Variants in PYGO1 observed in about 807,000 individuals in gnomAD.
PYGO1 encodes pygopus homolog 1.
A neutral mutation model predicts 29.5 loss-of-function variants in PYGO1; 6 were observed. The ratio of observed to expected loss-of-function variants is 0.20; its 90% CI spans 0.11 to 0.40. The LOEUF is 0.40. Ranked by LOEUF, PYGO1 falls within the 10% of genes least tolerant of loss-of-function variation. The pLI, the probability that PYGO1 is intolerant of heterozygous loss-of-function variation, is 1.00. For synonymous variants in PYGO1, 186 were observed against 180.5 expected (o/e 1.03, Z -0.24); for missense variants, 515 against 514.9 (o/e 1.00, Z 0.00).
intron 1 of PYGO1, among the ~76,000 whole-genome samples, chr15:55,561,692 T>C (rs1390812797): frequency 5.9e-5 from 9 of 152,090 alleles, no homozygotes; most frequent in Non-Finnish European, 1.2e-4. Context: ...CCTTACACCT[T>C]GCACAAAAAT....
intron 1 of PYGO1, among the ~76,000 whole-genome samples, chr15:55,558,384 A>G (rs1044731839): frequency 2.6e-5 from 4 of 152,142 alleles, no homozygotes; most frequent in African/African-American, 2.4e-5. Context: ...ATGCTCATGG[A>G]TAGGAAGAAT....
rs571116952 is a variant in PYGO1 at position 55,549,204 on chromosome 15, T to C, written c.50-209A>G. ...TCATCCCTGCTCCCATATTTATTAT[T>C]CTTTCAGTGAAAAAGCAAGTCTCTC... On this transcript the variant is annotated intron_variant, in intron 1 of 2. Coordinates refer to ENST00000563719, the MANE Select transcript of PYGO1 (RefSeq NM_001367806.1). Among the ~76,000 whole-genome samples, 239 of 152,328 alleles carry C rather than the reference T, an allele frequency of 1.6e-3. 1 individual carries two copies. The highest frequency in any genetic ancestry group is 5.7e-3 in the African/African-American group (236 of 41,582).
In PYGO1 at chr15:55,540,873, T is replaced by C. The variant is rs1425479494; in HGVS notation, c.*5150A>G. The C allele has an allele frequency of 6.6e-6, 1 of 152,198 alleles. No individual in the cohort carries two copies. The highest frequency in any genetic ancestry group is 1.5e-5 in the Non-Finnish European group (1 of 68,030). 9.4% of individuals were successfully genotyped at this position (152,198 alleles called of 1,614,324 possible). A position where few individuals can be genotyped will look rare whatever the true frequency, so the allele number is the denominator to read the frequency against. On this transcript the variant is annotated 3_prime_UTR_variant, in exon 3 of 3. Coordinates refer to ENST00000563719, the MANE Select transcript of PYGO1 (RefSeq NM_001367806.1). Reference sequence around the variant, plus strand: ...TGAACTAATATCCCAAAAAGAGGTATATGTAAACAGTACATAAGGAAGAAA... The same window carrying C: ...TGAACTAATATCCCAAAAAGAGGTACATGTAAACAGTACATAAGGAAGAAA...
In PYGO1 at chr15:55,546,276, G is replaced by C. The variant is rs754334597; in HGVS notation, c.1007C>G (p.Ser336Cys). 1.9e-6 allele frequency: 3 copies of C among 1,614,238 alleles called. No individual in the cohort carries two copies. The highest frequency in any genetic ancestry group is 2.5e-6 in the Non-Finnish European group (3 of 1,180,046). Residue 336 changes from serine (S) to cysteine (C), a missense_variant, in exon 3 of 3, where the codon TCT becomes TGT. Ser to Cys is a moderately radical substitution (Grantham distance 112, BLOSUM62 -1). Transcript: ENST00000563719. ...TCCACAAGGATACACTGGGTCAGAA[G>C]ACGAATGGCCATGACGGTTTGGGTG... ...SLHPNRHGHSSSDPVYPCGIC... is the reference protein window; with the variant it reads ...SLHPNRHGHSCSDPVYPCGIC...
intron 1 of PYGO1, among the ~76,000 whole-genome samples, chr15:55,565,168 C>T (rs964130599): frequency 6.6e-6 from 1 of 152,052 alleles, no homozygotes; most frequent in Non-Finnish European, 1.5e-5. Flanking sequence ...TATGATACAG[C>T]CCAATCGAGG....
rs1192710478 is a variant in PYGO1, at chr15:55,580,025, TG to T, written c.49+7809del. Among the ~76,000 whole-genome samples the T allele has an allele frequency of 3.3e-5, 5 of 152,166 alleles. No individual in the cohort carries two copies. The East Asian group carries it at 9.6e-4, about 29-fold the overall frequency. ...TACCTCTTTGTGTTACTGAGGTCCA[TG>T]GGGTTTAAGGTTGCTTAGAAAGGTA... On this transcript the variant is annotated intron_variant, in intron 1 of 2. Transcript: ENST00000563719.
intron 1 of PYGO1, among the ~76,000 whole-genome samples, chr15:55,565,475 G>A (rs973144606): frequency 2.6e-5 from 4 of 151,876 alleles, no homozygotes; most frequent in African/African-American, 9.7e-5. Flanking sequence ...AGGCAGAGGC[G>A]GGCAGACTAC....
chr15:55,546,501 T>A lies in PYGO1; in HGVS notation c.782A>T (p.Asn261Ile). 1 of 1,614,206 alleles carries A rather than the reference T, an allele frequency of 6.2e-7. No individual in the cohort carries two copies. The highest frequency in any genetic ancestry group is 8.5e-7 in the Non-Finnish European group (1 of 1,180,038). ...ACTCTGATTCACTGTGTCATCCATA[T>A]TCAAGTGAGGTGGATGAGCAGAGGA... is the stretch of plus-strand genomic sequence containing the variant. ...QNSSAHPPHL[N>I]MDDTVNQSNI... The change falls in exon 3 of 3, where the codon AAT becomes ATT. Residue 261 changes from asparagine (N) to isoleucine (I), a missense_variant. Physicochemically the swap from Asn to Ile is moderately radical, Grantham distance 149. Transcript: ENST00000563719.
At chr15:55,559,811 C>T (rs977545132) in intron 1 of PYGO1, among the ~76,000 whole-genome samples, 29 of 152,152 alleles carry the variant, frequency 1.9e-4, no homozygotes, top group African/African-American at 6.8e-4. Context: ...CAAACCAAAT[C>T]CAGCAGCACA....
At chr15:55,549,117 CT>C in intron 1 of PYGO1, 122 bp from the exon 2 acceptor site, 2 of 649,772 alleles carry the variant, frequency 3.1e-6, no homozygotes, top group Non-Finnish European at 4.8e-6. Context: ...AAGAGCAATA[CT>C]TTTATTATCA....
intron 1 of PYGO1, among the ~76,000 whole-genome samples, chr15:55,568,720 C>A (rs1898735): frequency 6.6e-6 from 1 of 152,034 alleles, no homozygotes; most frequent in Non-Finnish European, 1.5e-5. Context: ...GATGCTGGCT[C>A]TGGGTTTGTC....
intron 1 of PYGO1, among the ~76,000 whole-genome samples, chr15:55,561,951 C>A (rs1178859998): frequency 6.6e-6 from 1 of 152,010 alleles, no homozygotes; most frequent in Non-Finnish European, 1.5e-5. Context: ...TGCCTTCTGA[C>A]AAAGGTCTAA....
intron 1 of PYGO1, among the ~76,000 whole-genome samples, chr15:55,553,049 G>T (rs963039702): frequency 5.9e-5 from 9 of 152,188 alleles, no homozygotes; most frequent in African/African-American, 2.2e-4. Flanking sequence ...AGCTGTTCTA[G>T]CCTGCTGGCA....
chr15:55,587,112 T>C (rs2059050166), intron 1 of PYGO1, among the ~76,000 whole-genome samples: 1 of 152,200 alleles, frequency 6.6e-6, no homozygotes, highest in South Asian at 2.1e-4. Context: ...ATCCCCCAAT[T>C]TCCGGGTGGC....
chr15:55,581,211 G>A (rs1210356250), intron 1 of PYGO1, among the ~76,000 whole-genome samples: 1 of 149,052 alleles, frequency 6.7e-6, no homozygotes, highest in African/African-American at 2.4e-5. Context: ...CTGAAACTTT[G>A]AGGATGAGTA....
chr15:55,556,434 G>T (rs114173670), intron 1 of PYGO1, among the ~76,000 whole-genome samples: 2,781 of 152,220 alleles, frequency 0.018, 80 homozygotes, highest in African/African-American at 0.064. Flanking sequence ...CAGAAATCAA[G>T]TTCTTCGAAA....
At chr15:55,579,361 G>A (rs548624052) in intron 1 of PYGO1, among the ~76,000 whole-genome samples, 18 of 152,124 alleles carry the variant, frequency 1.2e-4, no homozygotes, top group East Asian at 7.7e-4. Flanking sequence ...AAACGAAGGC[G>A]CCAAACCTCA....
At chr15:55,549,265 G>C (rs964683835) in intron 1 of PYGO1, among the ~76,000 whole-genome samples, 27 of 152,062 alleles carry the variant, frequency 1.8e-4, no homozygotes, top group African/African-American at 6.5e-4. Flanking sequence ...CTGGTTCCCT[G>C]TCTCAGAGGC....
intron 1 of PYGO1, among the ~76,000 whole-genome samples, chr15:55,550,249 T>C (rs1171962741): frequency 6.6e-6 from 1 of 152,206 alleles, no homozygotes; most frequent in Non-Finnish European, 1.5e-5. Context: ...TTCCAATTAT[T>C]AAGCTACCAT....
Sources: gnomAD v4.1 joint callset for allele counts (sites outside exome capture counted in the v4.1 genomes callset) on GRCh38, gnomAD v4.1.1 for gene constraint, MANE v1.5 for transcripts, NCBI Gene and HGNC (gene_info 2026-07-23, HGNC 2026-07-21) for gene names.